Variants in KIAA0825 observed in about 807,000 individuals in gnomAD.
KIAA0825 encodes the protein KIAA0825.
KIAA0825 carries 119 observed loss-of-function variants against 147.6 expected under a neutral mutation model. That is an observed-to-expected ratio of 0.81 (90% CI 0.69 to 0.94). The LOEUF is 0.94. Ranked by LOEUF, KIAA0825 falls within the 40% of genes least tolerant of loss-of-function variation. The pLI is 0.00. For synonymous variants in KIAA0825, 470 were observed against 518.1 expected (o/e 0.91, Z 1.26); for missense variants, 1,381 against 1,472.7 (o/e 0.94, Z 1.02).
At chr5:94,589,417 C>T (rs1783936669) in intron 1 of KIAA0825, among the ~76,000 whole-genome samples, 1 of 152,008 alleles carries the variant, frequency 6.6e-6, no homozygotes, top group Non-Finnish European at 1.5e-5. Flanking sequence ...ATTTTAAAAT[C>T]TTTTTTCAAG....
chr5:94,496,781 C>T (rs1191172113), intron 5 of KIAA0825, among the ~76,000 whole-genome samples: 1 of 152,014 alleles, frequency 6.6e-6, no homozygotes, highest in Non-Finnish European at 1.5e-5. Flanking sequence ...GGATTGAGGC[C>T]CTGAATTTTG....
chr5:94,226,478 C>T (rs891141786), intron 20 of KIAA0825, among the ~76,000 whole-genome samples: 3 of 152,028 alleles, frequency 2.0e-5, no homozygotes, highest in African/African-American at 7.2e-5. Context: ...GGATCTGAAA[C>T]TAGAAATACC....
intron 20 of KIAA0825, among the ~76,000 whole-genome samples, chr5:94,281,462 A>G (rs539686910): frequency 3.3e-5 from 5 of 152,122 alleles, no homozygotes; most frequent in African/African-American, 1.2e-4. Context: ...CCCTGCACCA[A>G]TGCAGTCTGA....
At chr5:94,616,766 T>C (rs1244167113) in intron 1 of KIAA0825, among the ~76,000 whole-genome samples, 1 of 152,222 alleles carries the variant, frequency 6.6e-6, no homozygotes, top group Non-Finnish European at 1.5e-5. Flanking sequence ...CTGCATTATT[T>C]AGATGTCAAA....
rs933382946 is a variant in KIAA0825 at position 94,151,289 on chromosome 5, C to T, written c.*2718G>A. Among the ~76,000 whole-genome samples the T allele has an allele frequency of 2.6e-4, 39 of 150,842 alleles. No individual in the cohort carries two copies. The South Asian group carries it at 7.2e-3, about 28-fold the overall frequency. ...AAAAGTAGCCGGGCGCGGTGGCGGG[C>T]GCCTGTAGTCCCAGCTACTCGGGAG... is the stretch of plus-strand genomic sequence containing the variant. On this transcript the variant is annotated 3_prime_UTR_variant, in exon 21 of 21. Transcript: ENST00000682413.
chr5:94,507,171 T>C (rs981506165), intron 5 of KIAA0825, among the ~76,000 whole-genome samples: 5 of 152,172 alleles, frequency 3.3e-5, no homozygotes, highest in Non-Finnish European at 7.3e-5. Flanking sequence ...ACAGAATGGC[T>C]GAGCGCGGTG....
rs1051634058 is a variant in KIAA0825, at chr5:94,324,411, T to A, written c.3710+59957A>T. Among the ~76,000 whole-genome samples the A allele has an allele frequency of 2.0e-5, 3 of 152,046 alleles. No homozygotes were observed. In the South Asian group the frequency reaches 6.2e-4, roughly 31 times the overall value. ...GTTCCAATAACCAAATATGCTATGA[T>A]TCCGTATGCCCTTCTGTGAGATAAA... On this transcript the variant is annotated intron_variant, in intron 20 of 20. Coordinates refer to ENST00000682413, the MANE Select transcript of KIAA0825 (RefSeq NM_001145678.3).
At chr5:94,215,385 T>A (rs908696562) in intron 20 of KIAA0825, among the ~76,000 whole-genome samples, 12 of 152,146 alleles carry the variant, frequency 7.9e-5, no homozygotes, top group African/African-American at 2.6e-4. Context: ...AAAAGGCCAA[T>A]GGGTGGGAAT....
intron 20 of KIAA0825, among the ~76,000 whole-genome samples, chr5:94,219,687 G>A (rs1013452187): frequency 1.3e-5 from 2 of 152,124 alleles, no homozygotes; most frequent in Admixed American, 1.3e-4. Context: ...TTGGAATACT[G>A]TAGGTCATTG....
At chr5:94,584,555 T>C (rs1235447930) in intron 1 of KIAA0825, among the ~76,000 whole-genome samples, 2 of 152,150 alleles carry the variant, frequency 1.3e-5, no homozygotes, top group Non-Finnish European at 2.9e-5. Context: ...AGACCAAATC[T>C]ACATTTGATT....
chr5:94,483,560 C>T (rs1162613327), intron 6 of KIAA0825, among the ~76,000 whole-genome samples: 2 of 151,584 alleles, frequency 1.3e-5, no homozygotes, highest in South Asian at 4.2e-4. Context: ...CTAATTAAAT[C>T]TTTGGCTTTT....
rs538848848 is a variant in KIAA0825 at position 94,585,385 on chromosome 5, C to A, written c.-152-2802G>T. On this transcript the variant is annotated intron_variant, in intron 1 of 20. Transcript: ENST00000682413. ...GAAAGCAAAGAAAAAGCAGGGGTTGCAATCCTGGTCTCTGATGAAACAGAC... is the reference window on the plus strand; with the variant it reads ...GAAAGCAAAGAAAAAGCAGGGGTTGAAATCCTGGTCTCTGATGAAACAGAC... Among the ~76,000 whole-genome samples the A allele has an allele frequency of 2.0e-5, 3 of 152,246 alleles. No homozygotes were observed. In the South Asian group the frequency reaches 6.2e-4, roughly 32 times the overall value.
chr5:94,444,007 C>T (rs940289388), intron 13 of KIAA0825, among the ~76,000 whole-genome samples: 8 of 152,176 alleles, frequency 5.3e-5, no homozygotes, highest in Non-Finnish European at 8.8e-5. Context: ...TGCTGTCCCT[C>T]AAGACTTGAT....
intron 1 of KIAA0825, among the ~76,000 whole-genome samples, chr5:94,612,316 T>C (rs1180117054): frequency 1.3e-5 from 2 of 152,186 alleles, no homozygotes; most frequent in African/African-American, 4.8e-5. Flanking sequence ...TTTTTACTAA[T>C]ACCTAACATT....
chr5:94,351,464 C>T (rs1272113511), intron 20 of KIAA0825, among the ~76,000 whole-genome samples: 1 of 152,118 alleles, frequency 6.6e-6, no homozygotes, highest in Non-Finnish European at 1.5e-5. Flanking sequence ...GGAAACACAT[C>T]CCATGCTCAT....
chr5:94,557,854 G>T (rs73145094), intron 2 of KIAA0825, among the ~76,000 whole-genome samples: 11,489 of 152,050 alleles, frequency 0.076, 476 homozygotes, highest in South Asian at 0.11. Context: ...CTCTTTTCTG[G>T]TCCCTGTTTG....
At chr5:94,358,717 A>G (rs1004666795) in intron 20 of KIAA0825, among the ~76,000 whole-genome samples, 2 of 152,206 alleles carry the variant, frequency 1.3e-5, no homozygotes, top group African/African-American at 4.8e-5. Context: ...ACAACTATGT[A>G]TCACTGAACC....
intron 1 of KIAA0825, among the ~76,000 whole-genome samples, chr5:94,595,550 T>C (rs993811902): frequency 1.3e-5 from 2 of 152,160 alleles, no homozygotes; most frequent in African/African-American, 4.8e-5. Context: ...GTGAAGATCT[T>C]TGACATACCC....
intron 20 of KIAA0825, among the ~76,000 whole-genome samples, chr5:94,277,140 CTGTTT>C (rs1177819436): frequency 1.3e-5 from 2 of 152,232 alleles, no homozygotes; most frequent in African/African-American, 4.8e-5. Flanking sequence ...ATTTGATACT[CTGTTT>C]TATTTCTGAT....
Sources: allele counts gnomAD v4.1 joint callset (sites outside exome capture counted in the v4.1 genomes callset), GRCh38; gene constraint gnomAD v4.1.1; transcripts MANE v1.5; gene names NCBI Gene and HGNC (gene_info 2026-07-23, HGNC 2026-07-21).